Variants in CTNNA3 observed in about 807,000 individuals in gnomAD.
CTNNA3 encodes the protein catenin alpha-3.
In CTNNA3, 76 loss-of-function variants were observed where a neutral mutation model predicts 95.7. The ratio of observed to expected loss-of-function variants is 0.79; its 90% confidence interval spans 0.66 to 0.96. The LOEUF (loss-of-function observed/expected upper bound fraction) is 0.96. CTNNA3 is among the 40% of genes least tolerant of loss of function. The probability of loss-of-function intolerance (pLI) is 0.00; values close to 1 mark genes in which losing one functional copy is unlikely to be tolerated. For synonymous variants in CTNNA3, 431 were observed against 374.4 expected, an observed-to-expected ratio of 1.15 and a Z score of -1.74; for missense variants, 1,191 against 1,089.8, an observed-to-expected ratio of 1.09 and a Z score of -1.31.
chr10:67,648,393 C>A (rs1839782209), intron 1 of CTNNA3, among the ~76,000 whole-genome samples: 1 of 152,166 alleles, frequency 6.6e-6, no homozygotes, highest in Non-Finnish European at 1.5e-5. Context: ...TCGTTGATTG[C>A]AAAGAGAGAG....
chr10:67,085,244 A>G (rs1435313812), intron 7 of CTNNA3, among the ~76,000 whole-genome samples: 1 of 151,964 alleles, frequency 6.6e-6, no homozygotes, highest in Non-Finnish European at 1.5e-5. Flanking sequence ...AATTGTCTAC[A>G]TATATATGTG....
In CTNNA3 at chr10:66,110,239, G is replaced by A. The variant is rs193124231; in HGVS notation, c.1885-6990C>T. ...TAGACGGGTGTGGTGGCGTGTGCCTGTAATCCCAGCTACTAGGGAGGCTGA... is the reference window on the plus strand; with the variant it reads ...TAGACGGGTGTGGTGGCGTGTGCCTATAATCCCAGCTACTAGGGAGGCTGA... On this transcript the variant is annotated intron_variant, in intron 13 of 17. Transcript: ENST00000433211. Among the ~76,000 whole-genome samples, 595 of 151,872 alleles carry A rather than the reference G, an allele frequency of 3.9e-3. 3 individuals are homozygous for A. Among genetic ancestry groups the A allele is most frequent in the African/African-American group, 0.013 (559 of 41,408 alleles).
chr10:65,930,199 TAAAAAAAAAAAA>T (rs71472402), intron 17 of CTNNA3, among the ~76,000 whole-genome samples: 1 of 60,740 alleles, frequency 1.6e-5, no homozygotes, highest in African/African-American at 5.8e-5. Context: ...CAGAGCTCAG[TAAAAAAAAAAAA>T]AAAAAAAAAA....
chr10:67,703,057 C>A (rs1404898264), intron 1 of CTNNA3, among the ~76,000 whole-genome samples: 2 of 151,998 alleles, frequency 1.3e-5, no homozygotes, highest in East Asian at 3.8e-4. Context: ...ACATATACAC[C>A]CTCCCAAGAC....
At chr10:66,593,383 G>T (rs1261744347) in intron 10 of CTNNA3, among the ~76,000 whole-genome samples, 2 of 152,114 alleles carry the variant, frequency 1.3e-5, no homozygotes, top group Non-Finnish European at 2.9e-5. Context: ...GGCCACTCAT[G>T]CACACCACTG....
At chr10:66,754,864 G>A (rs1839302652) in intron 9 of CTNNA3, among the ~76,000 whole-genome samples, 1 of 152,070 alleles carries the variant, frequency 6.6e-6, no homozygotes, top group African/African-American at 2.4e-5. Context: ...AATGTAAAAT[G>A]GTAGAGCCTG....
At chr10:66,400,011 G>T in intron 11 of CTNNA3, among the ~76,000 whole-genome samples, 1 of 151,944 alleles carries the variant, frequency 6.6e-6, no homozygotes, top group East Asian at 1.9e-4. Context: ...AAAAAATTAA[G>T]ATCCTAAAGG....
chr10:66,854,836 G>A (rs1449520446), intron 7 of CTNNA3, among the ~76,000 whole-genome samples: 1 of 151,720 alleles, frequency 6.6e-6, no homozygotes, highest in Non-Finnish European at 1.5e-5. Context: ...AGATAGTGCG[G>A]TCTGGAAGGA....
chr10:66,315,306 G>A (rs2092085734), intron 12 of CTNNA3, among the ~76,000 whole-genome samples: 1 of 151,956 alleles, frequency 6.6e-6, no homozygotes, highest in African/African-American at 2.4e-5. Flanking sequence ...ACAGCTGACT[G>A]ATATTAGGTC....
intron 13 of CTNNA3, among the ~76,000 whole-genome samples, chr10:66,260,532 T>C (rs2090958825): frequency 6.6e-6 from 1 of 152,112 alleles, no homozygotes; most frequent in Non-Finnish European, 1.5e-5. Context: ...TAATTTGCCA[T>C]TTGTCAGTTG....
At chr10:67,761,577 C>T (rs1841461538) in intron 1 of CTNNA3, among the ~76,000 whole-genome samples, 1 of 152,100 alleles carries the variant, frequency 6.6e-6, no homozygotes, top group Admixed American at 6.5e-5. Flanking sequence ...GAAACCGCCA[C>T]ATAAAAGAAC....
At chr10:66,687,197 AAAAG>A (rs768829391) in intron 9 of CTNNA3, among the ~76,000 whole-genome samples, 3 of 152,256 alleles carry the variant, frequency 2.0e-5, no homozygotes, top group Non-Finnish European at 4.4e-5. Context: ...TAATATGGCA[AAAAG>A]AATGGAAAAA....
chr10:66,508,180 G>GTTTTT (rs761851664), intron 11 of CTNNA3, among the ~76,000 whole-genome samples: 1 of 114,630 alleles, frequency 8.7e-6, no homozygotes, highest in Non-Finnish European at 1.8e-5. Flanking sequence ...AGCAGCTCTT[G>GTTTTT]TTTTTTTTTT....
chr10:66,486,786 A>G (rs1404951129), intron 11 of CTNNA3, among the ~76,000 whole-genome samples: 2 of 151,830 alleles, frequency 1.3e-5, no homozygotes, highest in Non-Finnish European at 2.9e-5. Context: ...TATGGATACA[A>G]CCACTCATCA....
At chr10:65,973,014 C>T (rs2078141070) in intron 16 of CTNNA3, among the ~76,000 whole-genome samples, 1 of 151,438 alleles carries the variant, frequency 6.6e-6, no homozygotes. Context: ...AACAGATACA[C>T]AGGCTGATGG....
chr10:66,854,544 A>G (rs1843616664), intron 7 of CTNNA3, among the ~76,000 whole-genome samples: 1 of 151,878 alleles, frequency 6.6e-6, no homozygotes, highest in African/African-American at 2.4e-5. Context: ...ATATTTTGGA[A>G]AGTCAGAGGG....
chr10:67,384,333 AG>A lies in CTNNA3; in HGVS notation c.579+137508del, dbSNP rs1844062878. On this transcript the variant is annotated intron_variant, in intron 5 of 17. Coordinates refer to ENST00000433211, the MANE Select transcript of CTNNA3 (RefSeq NM_013266.4). ...CCAAAGGTATTTTTCTCATTGCTTA[AG>A]GAATATATGATATCCTTGGAATTAA... Among the ~76,000 whole-genome samples, 3 of 152,210 alleles carry A rather than the reference AG, an allele frequency of 2.0e-5. No homozygotes were observed. The South Asian group carries it at 6.2e-4, about 32-fold the overall frequency.
chr10:67,464,956 T>C (rs538863306), intron 5 of CTNNA3, among the ~76,000 whole-genome samples: 18 of 152,018 alleles, frequency 1.2e-4, no homozygotes, highest in Non-Finnish European at 2.5e-4. Context: ...GGAGAAATAG[T>C]AACAAATACC....
At chr10:66,220,048 G>A (rs1169780154) in intron 13 of CTNNA3, among the ~76,000 whole-genome samples, 8 of 151,950 alleles carry the variant, frequency 5.3e-5, no homozygotes, top group Admixed American at 1.3e-4. Flanking sequence ...ACTTGAACCC[G>A]GGAGGCAGAG....
Sources: gnomAD v4.1 joint callset for allele counts (sites outside exome capture counted in the v4.1 genomes callset) on GRCh38, gnomAD v4.1.1 for gene constraint, MANE v1.5 for transcripts, NCBI Gene and HGNC (gene_info 2026-07-23, HGNC 2026-07-21) for gene names.